PPP6R2: variants seen among roughly 807,000 people sequenced by gnomAD.
PPP6R2 encodes the protein serine/threonine-protein phosphatase 6 regulatory subunit 2.
In PPP6R2, 62 loss-of-function variants were observed where a neutral mutation model predicts 100.2. That is an observed-to-expected ratio of 0.62 (90% CI 0.50 to 0.76). The LOEUF (loss-of-function observed/expected upper bound fraction) is 0.76, where lower values mean the gene tolerates loss of function less well. Among genes scored for constraint, PPP6R2 ranks in the 30% least tolerant of loss-of-function variants. The probability of loss-of-function intolerance (pLI) is 0.00; values close to 1 mark genes in which losing one functional copy is unlikely to be tolerated. For synonymous variants in PPP6R2, 525 were observed against 514.7 expected (o/e 1.02, Z -0.27); for missense variants, 1,142 against 1,276.3 (o/e 0.89, Z 1.60).
intron 1 of PPP6R2, among the ~76,000 whole-genome samples, chr22:50,346,955 C>T (rs374667583): frequency 1.6e-4 from 25 of 151,838 alleles, no homozygotes; most frequent in South Asian, 1.3e-3. Flanking sequence ...TCAGTCCAAG[C>T]GCTCTGTGAC....
At chr22:50,424,445 G>A (rs1028249525) in intron 10 of PPP6R2, among the ~76,000 whole-genome samples, 2 of 100,442 alleles carry the variant, frequency 2.0e-5, no homozygotes, top group Non-Finnish European at 4.1e-5. Flanking sequence ...CCGTCCGCGT[G>A]TGGAACGTCT....
upstream of PPP6R2, among the ~76,000 whole-genome samples, chr22:50,338,360 GTGTGGTGTGTGTATGGTATATAGTGTC>G (rs2042326934): frequency 7.0e-6 from 1 of 143,674 alleles, no homozygotes; most frequent in African/African-American, 2.6e-5. Context: ...GGTATATGGT[GTGTGGTGTGTGTATGGTATATAGTGTC>G]TGTGGTATGT....
At chr22:50,438,491 C>T (rs1431158512) in intron 18 of PPP6R2, 108 bp from the exon 19 acceptor site, 25 of 1,455,194 alleles carry the variant, frequency 1.7e-5, no homozygotes, top group Non-Finnish European at 2.2e-5. Context: ...GCTCCTCTCT[C>T]GAGACGATCT....
chr22:50,371,679 A>G (rs2050250830), intron 1 of PPP6R2, among the ~76,000 whole-genome samples: 1 of 151,866 alleles, frequency 6.6e-6, no homozygotes, highest in African/African-American at 2.4e-5. Context: ...GTCTCTGGTC[A>G]CCCAGGCTGG....
chr22:50,420,489 A>T (rs186315709), intron 8 of PPP6R2, among the ~76,000 whole-genome samples: 64 of 152,278 alleles, frequency 4.2e-4, no homozygotes, highest in Non-Finnish European at 8.1e-4. Context: ...TTGTTTGAGG[A>T]TATAGGTGCT....
At chr22:50,378,765 A>T (rs1238538484) in intron 2 of PPP6R2, among the ~76,000 whole-genome samples, 5 of 151,408 alleles carry the variant, frequency 3.3e-5, no homozygotes, top group African/African-American at 1.2e-4. Flanking sequence ...CTGTAGACCC[A>T]CCTACTTGGG....
At chr22:50,370,842 C>G (rs2050042372) in intron 1 of PPP6R2, among the ~76,000 whole-genome samples, 1 of 151,904 alleles carries the variant, frequency 6.6e-6, no homozygotes, top group Non-Finnish European at 1.5e-5. Context: ...CCATGTTGGC[C>G]AGGCTAATCT....
At chr22:50,365,437 C>A (rs916841900) in intron 1 of PPP6R2, among the ~76,000 whole-genome samples, 1 of 151,766 alleles carries the variant, frequency 6.6e-6, no homozygotes, top group African/African-American at 2.4e-5. Flanking sequence ...CCAGCACTTT[C>A]GGAGGCCGAG....
chr22:50,357,916 A>G (rs1239219408), intron 1 of PPP6R2, among the ~76,000 whole-genome samples: 1 of 150,264 alleles, frequency 6.7e-6, no homozygotes, highest in Non-Finnish European at 1.5e-5. Context: ...GAGCCACCGC[A>G]CCTGGCACCT....
intron 19 of PPP6R2, 48 bp downstream of exon 19, chr22:50,438,810 C>A (rs958907321): frequency 6.6e-7 from 1 of 1,519,154 alleles, no homozygotes; most frequent in Non-Finnish European, 8.9e-7. Context: ...GGGGACAGGA[C>A]ATGGTACCCC....
intron 6 of PPP6R2, 107 bp downstream of exon 6, chr22:50,416,264 A>T (rs1468075641): frequency 2.1e-6 from 2 of 963,666 alleles, no homozygotes; most frequent in African/African-American, 3.2e-5. Flanking sequence ...TCCCTTTCCT[A>T]AGATGAGGAT....
chr22:50,362,031 G>A (rs2047894929), intron 1 of PPP6R2, among the ~76,000 whole-genome samples: 1 of 152,210 alleles, frequency 6.6e-6, no homozygotes, highest in African/African-American at 2.4e-5. Context: ...TGGACTTTAT[G>A]CCTGGACCTT....
intron 22 of PPP6R2, among the ~76,000 whole-genome samples, chr22:50,442,588 T>TG (rs2065929891): frequency 6.6e-6 from 1 of 152,038 alleles, no homozygotes; most frequent in Admixed American, 6.5e-5. Context: ...CTTGCTCTGT[T>TG]GCCCAGGCTG....
intron 1 of PPP6R2, among the ~76,000 whole-genome samples, chr22:50,365,228 C>T (rs1323745605): frequency 4.6e-5 from 7 of 152,126 alleles, no homozygotes; most frequent in African/African-American, 1.7e-4. Context: ...TGCACCACCA[C>T]ACCTGGCTAA....
chr22:50,396,619 G>A (rs1224454913), intron 3 of PPP6R2, among the ~76,000 whole-genome samples: 1 of 152,128 alleles, frequency 6.6e-6, no homozygotes, highest in Non-Finnish European at 1.5e-5. Context: ...ACGTCTCATA[G>A]CGTTGAGCAG....
At chr22:50,382,836 ATTTTT>A in intron 2 of PPP6R2, among the ~76,000 whole-genome samples, 2 of 141,286 alleles carry the variant, frequency 1.4e-5, no homozygotes, top group African/African-American at 5.2e-5. Context: ...TTACAAGCAA[ATTTTT>A]TTTTTTTTTT....
chr22:50,404,948 G>A (rs1368808328), intron 3 of PPP6R2, among the ~76,000 whole-genome samples: 1 of 152,142 alleles, frequency 6.6e-6, no homozygotes, highest in African/African-American at 2.4e-5. Context: ...GCTGTGGGGT[G>A]TACCTCTCCT....
In PPP6R2 at chr22:50,414,816, G is replaced by T. The variant is rs537967365; in HGVS notation, c.552+127G>T. 6.4e-6 allele frequency: 7 copies of T among 1,092,810 alleles called. No individual in the cohort carries two copies. The African/African-American group carries it at 7.9e-5, about 12-fold the overall frequency. 67.7% of individuals were successfully genotyped at this position (1,092,810 alleles called of 1,614,324 possible). ...CTCTCCACCTAGCGTGCATTTCTCCGTGGGGCTGTTAGGGGTTCTTGTCAA... is the reference window on the plus strand; with the variant it reads ...CTCTCCACCTAGCGTGCATTTCTCCTTGGGGCTGTTAGGGGTTCTTGTCAA... On this transcript the variant is annotated intron_variant, in intron 5 of 23. Coordinates refer to ENST00000612753, the MANE Select transcript of PPP6R2 (RefSeq NM_001242898.2).
chr22:50,400,164 C>T (rs2149025771), intron 3 of PPP6R2, among the ~76,000 whole-genome samples: 2 of 152,308 alleles, frequency 1.3e-5, no homozygotes, highest in East Asian at 3.9e-4. Flanking sequence ...ACTTGCTGCA[C>T]TCAGGGCAGA....
Sources: gnomAD v4.1 joint callset for allele counts (sites outside exome capture counted in the v4.1 genomes callset) on GRCh38, gnomAD v4.1.1 for gene constraint, MANE v1.5 for transcripts, NCBI Gene and HGNC (gene_info 2026-07-23, HGNC 2026-07-21) for gene names.